The following ARHGAP5 variants were observed in gnomAD, a reference collection of about 807,000 sequenced individuals.
The protein encoded by ARHGAP5 is rho GTPase-activating protein 5.
A neutral mutation model predicts 116.6 loss-of-function variants in ARHGAP5; 23 were observed. That is an observed-to-expected ratio of 0.20 (90% CI 0.14 to 0.28). The LOEUF (loss-of-function observed/expected upper bound fraction) is 0.28, where lower values mean the gene tolerates loss of function less well. Among genes scored for constraint, ARHGAP5 ranks in the 10% least tolerant of loss-of-function variants. The probability of loss-of-function intolerance (pLI) is 1.00; values close to 1 mark genes in which losing one functional copy is unlikely to be tolerated. For missense variants in ARHGAP5, 1,405 were observed against 1,774.8 expected (o/e 0.79, Z 3.74); for synonymous variants, 574 against 602.0 (o/e 0.95, Z 0.68).
intron 1 of ARHGAP5, among the ~76,000 whole-genome samples, chr14:32,088,709 T>C (rs1343090980): frequency 6.6e-6 from 1 of 152,048 alleles, no homozygotes; most frequent in Non-Finnish European, 1.5e-5. Flanking sequence ...ATGTATACAC[T>C]GCTGCCACAT....
At chr14:32,086,618 TAATG>T (rs2041832011) in intron 1 of ARHGAP5, among the ~76,000 whole-genome samples, 2 of 152,000 alleles carry the variant, frequency 1.3e-5, no homozygotes, top group African/African-American at 2.4e-5. Context: ...TACCTTTTAT[TAATG>T]AATGCATCAA....
chr14:32,103,622 A>G (rs1006057737), intron 2 of ARHGAP5, among the ~76,000 whole-genome samples: 5 of 152,158 alleles, frequency 3.3e-5, no homozygotes, highest in Admixed American at 1.3e-4. Context: ...TTGCAAGACT[A>G]TAGGTAAATT....
chr14:32,080,161 T>C (rs2041757379), intron 1 of ARHGAP5, among the ~76,000 whole-genome samples: 1 of 152,010 alleles, frequency 6.6e-6, no homozygotes, highest in Admixed American at 6.5e-5. Context: ...TGAACTTTAA[T>C]TGGTTTTCAA....
chr14:32,133,423 A>G (rs1880613683), intron 3 of ARHGAP5, among the ~76,000 whole-genome samples: 1 of 152,196 alleles, frequency 6.6e-6, no homozygotes, highest in Non-Finnish European at 1.5e-5. Flanking sequence ...ATTTTTGCAC[A>G]TTGATTTTGT....
At chr14:32,103,552 A>G (rs1284419155) in intron 2 of ARHGAP5, among the ~76,000 whole-genome samples, 1 of 152,196 alleles carries the variant, frequency 6.6e-6, no homozygotes, top group Non-Finnish European at 1.5e-5. Context: ...AGTATGTGTC[A>G]AGGAGGCACT....
intron 2 of ARHGAP5, among the ~76,000 whole-genome samples, chr14:32,113,618 T>C (rs995459851): frequency 6.6e-6 from 1 of 152,224 alleles, no homozygotes; most frequent in African/African-American, 2.4e-5. Context: ...ATAATTTTGC[T>C]TTCCTGTCAC....
chr14:32,113,478 A>G (rs1191056433), intron 2 of ARHGAP5, among the ~76,000 whole-genome samples: 1 of 152,134 alleles, frequency 6.6e-6, no homozygotes, highest in Non-Finnish European at 1.5e-5. Context: ...AGTTCCTTAT[A>G]TAAGCTACTT....
Position 32,159,071 on chromosome 14 carries a change from C to G in ARHGAP5, c.*4123C>G, listed in dbSNP as rs1162928036. ...CTTAATTAAATTGTGTGAAATTAGT[C>G]TTTTGTGGAAATTCTGTAGGCAGTA... On this transcript the variant is annotated 3_prime_UTR_variant, in exon 7 of 7. Transcript: ENST00000345122. 6.6e-6 allele frequency: 1 copy of G among 151,984 alleles called. No individual in the cohort carries two copies. The highest frequency in any genetic ancestry group is 2.4e-5 in the African/African-American group (1 of 41,400). The allele number at this position is 151,984 out of a possible 1,614,324, so 9.4% of individuals were successfully genotyped here.
At chr14:32,106,366 G>A (rs529684159) in intron 2 of ARHGAP5, among the ~76,000 whole-genome samples, 31 of 152,168 alleles carry the variant, frequency 2.0e-4, no homozygotes, top group Admixed American at 3.9e-4. Flanking sequence ...TGATCCACCC[G>A]CCTCAGCCTC....
chr14:32,125,338 G>A (rs1880093272), intron 3 of ARHGAP5, among the ~76,000 whole-genome samples: 2 of 152,106 alleles, frequency 1.3e-5, no homozygotes, highest in African/African-American at 4.8e-5. Flanking sequence ...ATCATTATGT[G>A]TATATACATA....
intron 3 of ARHGAP5, among the ~76,000 whole-genome samples, chr14:32,120,382 C>CT (rs139973746): frequency 3.8e-4 from 57 of 150,164 alleles, no homozygotes; most frequent in East Asian, 2.1e-3. Context: ...ATTGATTTTC[C>CT]TTTTTTTTTC....
chr14:32,154,096 G>A (rs185493214), intron 6 of ARHGAP5: 1 of 153,720 alleles, frequency 6.5e-6, no homozygotes, highest in African/African-American at 2.4e-5. Flanking sequence ...TGTTGTTTCT[G>A]TTGCCAGAAA....
chr14:32,146,828 G>A (rs745495576), intron 4 of ARHGAP5, among the ~76,000 whole-genome samples: 5 of 152,182 alleles, frequency 3.3e-5, no homozygotes, highest in Non-Finnish European at 7.4e-5. Context: ...GGAATGGAAA[G>A]CAGTAGAATA....
chr14:32,154,429 G>A (rs1180745250), intron 6 of ARHGAP5, 192 bp from the exon 7 acceptor site: 9 of 552,904 alleles, frequency 1.6e-5, no homozygotes, highest in Admixed American at 6.4e-5. Context: ...GATTACAGGC[G>A]TGAGCCACTG....
chr14:32,133,717 G>A (rs1880631379), intron 3 of ARHGAP5, among the ~76,000 whole-genome samples: 1 of 152,110 alleles, frequency 6.6e-6, no homozygotes, highest in Non-Finnish European at 1.5e-5. Flanking sequence ...TTGGCTGTGG[G>A]TTTGTCATAG....
intron 2 of ARHGAP5, among the ~76,000 whole-genome samples, chr14:32,110,765 A>G (rs1879253330): frequency 6.6e-6 from 1 of 152,188 alleles, no homozygotes. Context: ...TTTATGGGCC[A>G]GGGAGTTAAC....
chr14:32,135,779 C>T (rs1880758639), intron 3 of ARHGAP5, among the ~76,000 whole-genome samples: 1 of 152,182 alleles, frequency 6.6e-6, no homozygotes, highest in Non-Finnish European at 1.5e-5. Flanking sequence ...TCTTTGAATT[C>T]TAATTCCAAA....
chr14:32,109,752 A>T (rs572749399), intron 2 of ARHGAP5, among the ~76,000 whole-genome samples: 65 of 152,166 alleles, frequency 4.3e-4, no homozygotes, highest in South Asian at 6.2e-4. Flanking sequence ...CAAACTTTTT[A>T]AAAAAATGTG....
chr14:32,149,700 G>A (rs1267490216), intron 4 of ARHGAP5, among the ~76,000 whole-genome samples: 3 of 151,912 alleles, frequency 2.0e-5, no homozygotes, highest in Admixed American at 2.0e-4. Context: ...TTGAACCCGG[G>A]AGGTGGAGGT....
Sources: gnomAD v4.1 joint callset for allele counts (sites outside exome capture counted in the v4.1 genomes callset) on GRCh38, gnomAD v4.1.1 for gene constraint, MANE v1.5 for transcripts, NCBI Gene and HGNC (gene_info 2026-07-23, HGNC 2026-07-21) for gene names.